Variants in ZMYND11 observed in about 807,000 individuals in gnomAD.
ZMYND11 encodes the protein zinc finger MYND domain-containing protein 11.
In ZMYND11, 9 loss-of-function variants were observed where a neutral mutation model predicts 84.9. The ratio of observed to expected loss-of-function variants is 0.11; its 90% CI spans 0.06 to 0.18. ZMYND11 has a LOEUF of 0.18. ZMYND11 is among the 10% of genes least tolerant of loss of function. The pLI, the probability that ZMYND11 is intolerant of heterozygous loss-of-function variation, is 1.00. For synonymous variants in ZMYND11, 250 were observed against 244.1 expected (o/e 1.02, Z -0.23); for missense variants, 409 against 761.0 (o/e 0.54, Z 5.44).
intron 4 of ZMYND11, among the ~76,000 whole-genome samples, chr10:221,931 C>T (rs367609880): frequency 6.6e-6 from 1 of 151,820 alleles, no homozygotes; most frequent in African/African-American, 2.4e-5. Context: ...AAGGTACTTT[C>T]CACAATTACT....
chr10:239,792 A>G (rs961366294), intron 7 of ZMYND11, among the ~76,000 whole-genome samples: 1 of 152,228 alleles, frequency 6.6e-6, no homozygotes, highest in Admixed American at 6.5e-5. Context: ...TTTAATAAGC[A>G]CTATGATTAA....
In ZMYND11 at chr10:253,623, T is replaced by C. The variant is rs556273883; in HGVS notation, c.*1153T>C. On this transcript the variant is annotated 3_prime_UTR_variant, in exon 15 of 15. Coordinates refer to ENST00000381604, the MANE Select transcript of ZMYND11 (RefSeq NM_001370100.5). Reference sequence around the variant, plus strand: ...AATAATGATTTTTTATACATAGATATATAAAATACAGCCAGGAAAACTTAA... The same window carrying C: ...AATAATGATTTTTTATACATAGATACATAAAATACAGCCAGGAAAACTTAA... 1.3e-5 allele frequency: 2 copies of C among 152,798 alleles called. No homozygotes were observed. The highest frequency in any genetic ancestry group is 1.9e-4 in the East Asian group (1 of 5,196). The allele number at this position is 152,798 out of a possible 1,614,324, so 9.5% of individuals were successfully genotyped here.
At chr10:216,441 G>A (rs1486125916) in intron 3 of ZMYND11, among the ~76,000 whole-genome samples, 1 of 152,002 alleles carries the variant, frequency 6.6e-6, no homozygotes, top group African/African-American at 2.4e-5. Flanking sequence ...ATGCCCCTTG[G>A]ATACTGTTGA....
At position 175,574 on chromosome 10, in the gene ZMYND11, A is replaced by G. The variant is rs535050935; in HGVS notation, c.-19-4420A>G. On this transcript the variant is annotated intron_variant, in intron 1 of 14. Coordinates refer to ENST00000381604, the MANE Select transcript of ZMYND11 (RefSeq NM_001370100.5). ...ACAAGAGCGAAACTCCGCCTCAAAA[A>G]ATAAAAAACAAAAATAAAAAACTAC... Among the ~76,000 whole-genome samples, 6 of 152,322 alleles carry G rather than the reference A, an allele frequency of 3.9e-5. No homozygotes were observed. The East Asian group carries it at 1.2e-3, about 29-fold the overall frequency.
At chr10:197,053 G>T (rs1375290337) in intron 2 of ZMYND11, among the ~76,000 whole-genome samples, 1 of 150,398 alleles carries the variant, frequency 6.6e-6, no homozygotes, top group African/African-American at 2.4e-5. Flanking sequence ...GTGCCCACGT[G>T]CGCAATGTGT....
intron 2 of ZMYND11, among the ~76,000 whole-genome samples, chr10:197,500 A>ACTT (rs952436799): frequency 7.9e-5 from 12 of 152,238 alleles, no homozygotes; most frequent in African/African-American, 2.9e-4. Flanking sequence ...TATAAGAAAG[A>ACTT]CTTCTATACC....
At chr10:169,181 C>T (rs1844703930) in intron 1 of ZMYND11, among the ~76,000 whole-genome samples, 1 of 152,078 alleles carries the variant, frequency 6.6e-6, no homozygotes. Context: ...GGGAAATATA[C>T]AGCTTCAACC....
intron 11 of ZMYND11, 60 bp downstream of exon 11, chr10:247,033 AGTGC>A: frequency 1.4e-6 from 2 of 1,436,894 alleles, no homozygotes; most frequent in Non-Finnish European, 1.9e-6. Flanking sequence ...CAGAAATCTT[AGTGC>A]ACACTCCTCA....
intron 2 of ZMYND11, among the ~76,000 whole-genome samples, chr10:192,946 GT>G (rs1940825366): frequency 6.6e-6 from 1 of 151,904 alleles, no homozygotes; most frequent in African/African-American, 2.4e-5. Flanking sequence ...TCCCTTATAG[GT>G]TTTATGCTTT....
intron 10 of ZMYND11, among the ~76,000 whole-genome samples, chr10:242,389 A>G (rs1284578803): frequency 1.3e-5 from 2 of 152,224 alleles, no homozygotes; most frequent in African/African-American, 4.8e-5. Flanking sequence ...GACTGAATTT[A>G]TAGTACAGTG....
chr10:146,926 C>G (rs1479693798), intron 1 of ZMYND11, among the ~76,000 whole-genome samples: 1 of 152,270 alleles, frequency 6.6e-6, no homozygotes, highest in Non-Finnish European at 1.5e-5. Flanking sequence ...TGGCTTCTGC[C>G]ATGATTGTGA....
intron 2 of ZMYND11, among the ~76,000 whole-genome samples, chr10:189,762 T>C (rs550122177): frequency 6.6e-6 from 1 of 152,278 alleles, no homozygotes; most frequent in African/African-American, 2.4e-5. Context: ...CATAAAATAA[T>C]AAGGCGGTAG....
chr10:173,250 C>A (rs1221774583), intron 1 of ZMYND11, among the ~76,000 whole-genome samples: 2 of 152,148 alleles, frequency 1.3e-5, no homozygotes, highest in Non-Finnish European at 2.9e-5. Flanking sequence ...ATAAGCTGGA[C>A]TTCGTTAAAA....
intron 10 of ZMYND11, among the ~76,000 whole-genome samples, chr10:246,239 A>G (rs369258799): frequency 6.6e-6 from 1 of 152,362 alleles, no homozygotes; most frequent in South Asian, 2.1e-4. Flanking sequence ...CATGATACAA[A>G]TATGACTTAC....
intron 4 of ZMYND11, among the ~76,000 whole-genome samples, chr10:232,291 A>G (rs1184764505): frequency 6.6e-6 from 1 of 152,202 alleles, no homozygotes; most frequent in Non-Finnish European, 1.5e-5. Context: ...TACCTTAGAA[A>G]TCCCCAGAAA....
At chr10:231,718 G>C (rs983493880) in intron 4 of ZMYND11, among the ~76,000 whole-genome samples, 6 of 152,146 alleles carry the variant, frequency 3.9e-5, no homozygotes, top group African/African-American at 1.4e-4. Flanking sequence ...GTGTAGCCTG[G>C]CAGTTACTTA....
intron 10 of ZMYND11, among the ~76,000 whole-genome samples, chr10:244,822 T>C (rs1951795596): frequency 6.6e-6 from 1 of 152,164 alleles, no homozygotes; most frequent in African/African-American, 2.4e-5. Flanking sequence ...AAAAATTATC[T>C]ACAGTACTGG....
intron 8 of ZMYND11, 149 bp downstream of exon 8, chr10:240,260 C>A: frequency 1.7e-6 from 1 of 598,972 alleles, no homozygotes; most frequent in Admixed American, 3.6e-5. Context: ...AATCCCAGCA[C>A]TTTGGGAGGC....
intron 12 of ZMYND11, among the ~76,000 whole-genome samples, chr10:248,062 G>A (rs573025584): frequency 6.6e-6 from 1 of 152,228 alleles, no homozygotes; most frequent in Admixed American, 6.5e-5. Flanking sequence ...AAAACTTATA[G>A]TATTGATAAG....
Sources: allele counts gnomAD v4.1 joint callset (sites outside exome capture counted in the v4.1 genomes callset), GRCh38; gene constraint gnomAD v4.1.1; transcripts MANE v1.5; gene names NCBI Gene and HGNC (gene_info 2026-07-23, HGNC 2026-07-21).